Variants in COP1 observed in about 807,000 individuals in gnomAD.
COP1 encodes E3 ubiquitin-protein ligase COP1.
A neutral mutation model predicts 101.3 loss-of-function variants in COP1; 24 were observed. The observed-to-expected ratio is 0.24, with a 90% confidence interval of 0.17 to 0.33. The LOEUF is 0.33. Ranked by LOEUF, COP1 falls within the 10% of genes least tolerant of loss-of-function variation. The pLI, the probability that COP1 is intolerant of heterozygous loss-of-function variation, is 1.00. For synonymous variants in COP1, 347 were observed against 341.9 expected (o/e 1.01, Z -0.17); for missense variants, 663 against 906.2 (o/e 0.73, Z 3.45).
At chr1:176,136,168 T>TA (rs937590724) in intron 7 of COP1, among the ~76,000 whole-genome samples, 21 of 151,964 alleles carry the variant, frequency 1.4e-4, no homozygotes, top group African/African-American at 4.8e-4. Context: ...AAGTTATTAA[T>TA]AAAAAAAGCA....
At chr1:175,993,407 G>A (rs1465773620) in intron 15 of COP1, among the ~76,000 whole-genome samples, 4 of 152,210 alleles carry the variant, frequency 2.6e-5, no homozygotes, top group Admixed American at 6.5e-5. Flanking sequence ...TGGCTTTGAC[G>A]AGTTGAGAGA....
chr1:176,000,347 GAA>G (rs77744924), intron 15 of COP1, among the ~76,000 whole-genome samples: 10,017 of 151,986 alleles, frequency 0.066, 408 homozygotes, highest in Middle Eastern at 0.12. Context: ...GGCATTTATT[GAA>G]AAGACTGTCT....
chr1:176,103,249 A>G (rs1683716559), intron 9 of COP1, among the ~76,000 whole-genome samples: 1 of 152,158 alleles, frequency 6.6e-6, no homozygotes, highest in Non-Finnish European at 1.5e-5. Context: ...TAGTGAAGTG[A>G]CTTAGGGTGA....
At chr1:176,126,398 C>A (rs189319123) in intron 8 of COP1, among the ~76,000 whole-genome samples, 1 of 152,156 alleles carries the variant, frequency 6.6e-6, no homozygotes, top group African/African-American at 2.4e-5. Flanking sequence ...CCTTCTATAA[C>A]CAGTTCATTG....
intron 6 of COP1, among the ~76,000 whole-genome samples, chr1:176,147,004 G>A (rs963241636): frequency 6.6e-6 from 1 of 152,096 alleles, no homozygotes; most frequent in African/African-American, 2.4e-5. Context: ...TCTCTGATTG[G>A]TATATATCAA....
intron 9 of COP1, among the ~76,000 whole-genome samples, chr1:176,092,866 C>T (rs1328529619): frequency 6.6e-6 from 1 of 152,140 alleles, no homozygotes; most frequent in Non-Finnish European, 1.5e-5. Flanking sequence ...TCTAGGGAAA[C>T]TCTTGCACCT....
rs140793678 is a variant in COP1 at position 176,113,652 on chromosome 1, T to C, written c.1026+2972A>G. On this transcript the variant is annotated intron_variant, in intron 9 of 19. Transcript: ENST00000367669. ...CAAAGACCAATTAAAAAAACACCTG[T>C]AGTTAAATAAATTTTATTTATTGCT... is the stretch of plus-strand genomic sequence containing the variant. Among the ~76,000 whole-genome samples the C allele has an allele frequency of 2.6e-3, 399 of 152,228 alleles. 3 individuals carry two copies. Among genetic ancestry groups the C allele is most frequent in the African/African-American group, 9.2e-3 (381 of 41,554 alleles).
chr1:176,087,018 C>G (rs1680316268), intron 9 of COP1, among the ~76,000 whole-genome samples: 1 of 152,296 alleles, frequency 6.6e-6, no homozygotes, highest in East Asian at 1.9e-4. Flanking sequence ...AAAGGATTCC[C>G]TATTTAGTAA....
At chr1:175,977,885 T>C (rs1484052781) in intron 18 of COP1, among the ~76,000 whole-genome samples, 2 of 152,092 alleles carry the variant, frequency 1.3e-5, no homozygotes, top group African/African-American at 4.8e-5. Context: ...TCAAATAGTA[T>C]CCATCAAAAG....
intron 11 of COP1, among the ~76,000 whole-genome samples, chr1:176,072,503 A>C (rs1677176590): frequency 6.6e-6 from 1 of 152,166 alleles, no homozygotes; most frequent in African/African-American, 2.4e-5. Flanking sequence ...CATTCATCTC[A>C]TTTCTCAACC....
chr1:176,038,267 T>G (rs762681799), intron 14 of COP1, among the ~76,000 whole-genome samples: 67 of 152,148 alleles, frequency 4.4e-4, no homozygotes, highest in African/African-American at 6.5e-4. Flanking sequence ...TATGGAGAGA[T>G]AAACCATGTT....
chr1:176,019,476 A>AATC (rs1666310200), intron 15 of COP1, among the ~76,000 whole-genome samples: 1 of 123,126 alleles, frequency 8.1e-6, no homozygotes, highest in African/African-American at 3.0e-5. Context: ...TAATAATAAT[A>AATC]ATAATAATAA....
At chr1:175,998,052 T>TA (rs1491507272) in intron 15 of COP1, among the ~76,000 whole-genome samples, 8 of 91,422 alleles carry the variant, frequency 8.8e-5, no homozygotes, top group Admixed American at 3.2e-4. Flanking sequence ...CCCTAAAACT[T>TA]AGAGTATAAT....
intron 18 of COP1, among the ~76,000 whole-genome samples, chr1:175,971,153 C>T (rs1653157152): frequency 2.0e-5 from 3 of 152,140 alleles, no homozygotes; most frequent in Admixed American, 2.0e-4. Context: ...ACTTAAATGA[C>T]TTAGAAAGAC....
intron 8 of COP1, among the ~76,000 whole-genome samples, chr1:176,119,187 A>C (rs1686692765): frequency 6.6e-6 from 1 of 152,216 alleles, no homozygotes; most frequent in African/African-American, 2.4e-5. Context: ...CCAGAGACTA[A>C]GAGGACTGAA....
intron 6 of COP1, among the ~76,000 whole-genome samples, chr1:176,147,804 T>C (rs967421441): frequency 6.6e-6 from 1 of 152,200 alleles, no homozygotes; most frequent in African/African-American, 2.4e-5. Flanking sequence ...AGAATTAATG[T>C]TGGAAAGGAA....
intron 7 of COP1, 26 bp downstream of exon 7, chr1:176,136,462 G>C (rs1226139529): frequency 6.7e-7 from 1 of 1,492,900 alleles, no homozygotes; most frequent in Admixed American, 1.8e-5. Context: ...AATTGCTAAG[G>C]ATGTGAGAAA....
intron 4 of COP1, 38 bp downstream of exon 4, chr1:176,163,777 G>A: frequency 7.9e-7 from 1 of 1,273,364 alleles, no homozygotes; most frequent in Non-Finnish European, 1.1e-6. Flanking sequence ...ACAACAAAAT[G>A]AAATTTATTA....
At chr1:176,134,961 C>A in intron 8 of COP1, 49 bp downstream of exon 8, 1 of 1,360,674 alleles carries the variant, frequency 7.3e-7, no homozygotes, top group South Asian at 1.2e-5. Context: ...AGACCATATG[C>A]ATACTTTGTA....
Sources: gnomAD v4.1 joint callset for allele counts (sites outside exome capture counted in the v4.1 genomes callset) on GRCh38, gnomAD v4.1.1 for gene constraint, MANE v1.5 for transcripts, NCBI Gene and HGNC (gene_info 2026-07-23, HGNC 2026-07-21) for gene names.